The following EDC3 variants were observed in gnomAD, a reference collection of about 807,000 sequenced individuals.
EDC3 encodes the protein enhancer of mRNA-decapping protein 3.
Under a neutral mutation model 41.8 loss-of-function variants are expected in EDC3, and 20 were observed. The observed-to-expected ratio is 0.48, with a 90% CI of 0.34 to 0.70. The LOEUF is 0.70. Among genes scored for constraint, EDC3 ranks in the 30% least tolerant of loss-of-function variants. EDC3 has a pLI of 0.01. For missense variants in EDC3, 444 were observed against 636.8 expected (o/e 0.70, Z 3.26); for synonymous variants, 206 against 243.2 (o/e 0.85, Z 1.42).
At chr15:74,670,644 G>T (rs1027734736) in intron 3 of EDC3, among the ~76,000 whole-genome samples, 7 of 152,158 alleles carry the variant, frequency 4.6e-5, no homozygotes, top group Non-Finnish European at 7.3e-5. Context: ...TGGCCAGGCT[G>T]GCCTCAAACG....
chr15:74,689,572 C>T (rs1013120325), intron 1 of EDC3, among the ~76,000 whole-genome samples: 3 of 151,896 alleles, frequency 2.0e-5, no homozygotes, highest in African/African-American at 4.8e-5. Context: ...TCGCCCAGGC[C>T]GGACTGCAGT....
chr15:74,686,115 A>G (rs923159957), intron 1 of EDC3, among the ~76,000 whole-genome samples: 2 of 151,854 alleles, frequency 1.3e-5, no homozygotes, highest in Non-Finnish European at 2.9e-5. Flanking sequence ...TCACAAGGTC[A>G]GGAGTTCGAG....
chr15:74,681,303 C>G (rs562087139), intron 1 of EDC3, among the ~76,000 whole-genome samples: 1 of 152,106 alleles, frequency 6.6e-6, no homozygotes, highest in Non-Finnish European at 1.5e-5. Context: ...CAGGTGCCCA[C>G]CACCACGCCT....
At chr15:74,666,957 C>G (rs2062682756) in intron 3 of EDC3, among the ~76,000 whole-genome samples, 1 of 151,874 alleles carries the variant, frequency 6.6e-6, no homozygotes, top group Admixed American at 6.6e-5. Context: ...AATGGGAGAC[C>G]TAAATAACTC....
At chr15:74,673,740 T>G (rs933792815) in intron 2 of EDC3, among the ~76,000 whole-genome samples, 2 of 150,188 alleles carry the variant, frequency 1.3e-5, no homozygotes, top group Admixed American at 1.3e-4. Context: ...CTCGGGAGGC[T>G]GAGGCAGGAG....
chr15:74,688,739 C>G (rs914491771), intron 1 of EDC3, among the ~76,000 whole-genome samples: 3 of 152,070 alleles, frequency 2.0e-5, no homozygotes, highest in African/African-American at 7.2e-5. Context: ...AACCCTGTCT[C>G]TACTAAAAAT....
intron 3 of EDC3, among the ~76,000 whole-genome samples, chr15:74,657,997 T>A (rs569474058): frequency 8.3e-4 from 127 of 152,244 alleles, no homozygotes; most frequent in Non-Finnish European, 1.5e-3. Flanking sequence ...CCACACCCTG[T>A]CTCTGACACC....
chr15:74,669,189 C>T (rs56288642), intron 3 of EDC3, among the ~76,000 whole-genome samples: 8,519 of 151,776 alleles, frequency 0.056, 326 homozygotes, highest in Non-Finnish European at 0.079. Context: ...ACTAAAAATA[C>T]AAAATTAGCC....
At chr15:74,654,645 G>A (rs1225532249) in intron 4 of EDC3, among the ~76,000 whole-genome samples, 1 of 151,892 alleles carries the variant, frequency 6.6e-6, no homozygotes, top group African/African-American at 2.4e-5. Context: ...GCCAGCAAAA[G>A]ACTGACACAG....
In EDC3 at chr15:74,678,396, TAAAAAATAAAGTCTATTTAATAG is replaced by T. The variant is rs1417452141; in HGVS notation, c.-18-3277_-18-3255del. 3.9e-5 allele frequency among the ~76,000 whole-genome samples: 6 copies of T among 152,232 alleles called. No individual in the cohort carries two copies. In the East Asian group the frequency reaches 1.2e-3, roughly 29 times the overall value. On this transcript the variant is annotated intron_variant, in intron 1 of 6. Transcript: ENST00000315127. ...TTTTTCCCTGAAACTAAAACTGCTC[TAAAAAATAAAGTCTATTTAATAG>T]AAAAAACCAAATTGATTATGTAATT...
rs2062542050 is a variant in EDC3, at chr15:74,655,884, A to T, written c.669T>A (p.Asp223Glu). The T allele has an allele frequency of 6.2e-7, 1 of 1,614,162 alleles. No homozygotes were observed. The highest frequency in any genetic ancestry group is 8.5e-7 in the Non-Finnish European group (1 of 1,180,036). Residue 223 changes from aspartate to glutamate, a missense_variant, in exon 4 of 7, where the codon GAT becomes GAA. By Grantham distance (45) the Asp-to-Glu change is conservative (BLOSUM62 2). Transcript: ENST00000315127. ...FDKAAVFEEI[D>E]TYERRSGTRS... is the part of the protein sequence containing the mutation. ...GGGTACCACTTCTCCTTTCATAGGT[A>T]TCAATCTCCTCAAACACAGCTGCCT...
chr15:74,640,711 C>T, intron 4 of EDC3, 92 bp from the exon 5 acceptor site: 1 of 1,511,228 alleles, frequency 6.6e-7, no homozygotes, highest in South Asian at 1.2e-5. Flanking sequence ...CAAATGCCAA[C>T]ATTTTACCAT....
At chr15:74,668,527 C>T (rs1462936671) in intron 3 of EDC3, among the ~76,000 whole-genome samples, 1 of 152,062 alleles carries the variant, frequency 6.6e-6, no homozygotes, top group East Asian at 1.9e-4. Context: ...GATTTTCAGA[C>T]AGGGCAACAT....
chr15:74,665,117 G>A (rs367957383), intron 3 of EDC3, among the ~76,000 whole-genome samples: 1 of 152,152 alleles, frequency 6.6e-6, no homozygotes, highest in South Asian at 2.1e-4. Context: ...TCCACCTCCC[G>A]GGTTCAAGCA....
At chr15:74,646,217 C>T (rs137877831) in intron 4 of EDC3, among the ~76,000 whole-genome samples, 3,725 of 152,024 alleles carry the variant, frequency 0.025, 149 homozygotes, top group African/African-American at 0.086. Context: ...GAATTACAGA[C>T]GTGCACCACC....
intron 3 of EDC3, among the ~76,000 whole-genome samples, chr15:74,662,164 C>G (rs987309377): frequency 1.3e-5 from 2 of 152,168 alleles, no homozygotes; most frequent in African/African-American, 4.8e-5. Flanking sequence ...CCCAAACACA[C>G]TATCTTTGAC....
intron 1 of EDC3, among the ~76,000 whole-genome samples, chr15:74,686,503 G>T (rs1596334393): frequency 1.3e-5 from 2 of 151,192 alleles, no homozygotes; most frequent in African/African-American, 4.9e-5. Flanking sequence ...AAATTAAATA[G>T]GCCAGCCACG....
At chr15:74,644,577 A>C (rs977220444) in intron 4 of EDC3, 7 of 151,868 alleles carry the variant, frequency 4.6e-5, no homozygotes, top group African/African-American at 1.2e-4. Flanking sequence ...GGGTGCAGCA[A>C]ACCACCATGG....
chr15:74,694,291 G>T (rs922080236), intron 1 of EDC3, among the ~76,000 whole-genome samples: 6 of 151,830 alleles, frequency 4.0e-5, no homozygotes, highest in Admixed American at 2.6e-4. Flanking sequence ...CACTGCACTC[G>T]GCCCTAGTCT....
Sources: allele counts gnomAD v4.1 joint callset (sites outside exome capture counted in the v4.1 genomes callset), GRCh38; gene constraint gnomAD v4.1.1; transcripts MANE v1.5; gene names NCBI Gene and HGNC (gene_info 2026-07-23, HGNC 2026-07-21).